Variants in MGAM observed in about 807,000 individuals in gnomAD.
The protein encoded by MGAM is alpha-1,4-glucosidase.
Under a neutral mutation model 358.8 loss-of-function variants are expected in MGAM, and 253 were observed. That is an observed-to-expected ratio of 0.71 (90% confidence interval 0.64 to 0.78). The LOEUF (loss-of-function observed/expected upper bound fraction) is 0.78, where lower values mean the gene tolerates loss of function less well. Among genes scored for constraint, MGAM ranks in the 30% least tolerant of loss-of-function variants. MGAM has a pLI of 0.00. For synonymous variants in MGAM, 1,105 were observed against 1,227.1 expected (o/e 0.90, Z 2.08); for missense variants, 3,080 against 3,432.6 (o/e 0.90, Z 2.57).
At chr7:142,076,908 T>A in intron 47 of MGAM, 82 bp downstream of exon 47, 1 of 1,417,648 alleles carries the variant, frequency 7.1e-7, no homozygotes, top group East Asian at 2.3e-5. Flanking sequence ...TTTGCATGGG[T>A]CCCTGAAGTA....
At chr7:142,002,857 A>G (rs1234378303) in intron 1 of MGAM, among the ~76,000 whole-genome samples, 1 of 152,114 alleles carries the variant, frequency 6.6e-6, no homozygotes, top group African/African-American at 2.4e-5. Context: ...AGACTCCTAG[A>G]TTTAATAAAT....
intron 5 of MGAM, 66 bp from the exon 6 acceptor site, chr7:142,021,520 T>C: frequency 2.0e-6 from 3 of 1,486,606 alleles, no homozygotes; most frequent in South Asian, 2.4e-5. Flanking sequence ...GTATCCTAAG[T>C]AGGGATATTG....
rs531204718 is a variant in MGAM, at chr7:142,106,103, A to C, written c.*212A>C. The C allele has an allele frequency of 2.1e-6, 1 of 468,012 alleles. No homozygotes were observed. The highest frequency in any genetic ancestry group is 2.0e-5 in the African/African-American group (1 of 50,704). 29.0% of individuals were successfully genotyped at this position (468,012 alleles called of 1,614,324 possible). On this transcript the variant is annotated 3_prime_UTR_variant, in exon 71 of 71. Coordinates refer to ENST00000475668, the MANE Select transcript of MGAM (RefSeq NM_001365693.1). ...TTAGGGAGGTGTGGAAAATCTATGC[A>C]TTACCTTAATGTCTCTGTGTGGTTA... is the stretch of plus-strand genomic sequence containing the variant.
intron 12 of MGAM, 61 bp downstream of exon 12, chr7:142,030,818 C>CTGTG (rs66639847): frequency 2.0e-5 from 16 of 784,652 alleles, no homozygotes; most frequent in South Asian, 6.2e-5. Flanking sequence ...TTGAATGTGT[C>CTGTG]TGTGTGTGTG....
At chr7:142,103,530 C>T in intron 70 of MGAM, 91 bp downstream of exon 70, 2 of 1,258,494 alleles carry the variant, frequency 1.6e-6, no homozygotes, top group South Asian at 3.8e-5. Context: ...ATGATGCCCT[C>T]TCCTGCCAGG....
At chr7:142,037,248 G>C (rs1397808953) in intron 18 of MGAM, among the ~76,000 whole-genome samples, 1 of 152,054 alleles carries the variant, frequency 6.6e-6, no homozygotes, top group African/African-American at 2.4e-5. Context: ...TCTTTGTTCT[G>C]CCATTCACTA....
At position 142,031,721 on chromosome 7, in the gene MGAM, C is replaced by T; in HGVS notation, c.1512C>T (p.Pro504=). 1 of 1,613,390 alleles carries T rather than the reference C, an allele frequency of 6.2e-7. No homozygotes were observed. The highest frequency in any genetic ancestry group is 2.2e-5 in the East Asian group (1 of 44,826). The change falls in exon 13 of 71, where the codon CCC becomes CCT. Residue 504 remains proline (P), a synonymous_variant. Transcript: ENST00000475668. ...GQTVFPDYTN[P]NCAVWWTKEF... The stretch of plus-strand genomic sequence containing the variant: ...CTGTGTTTCCTGATTATACCAATCC[C>T]AACTGTGCTGTTTGGTGGACAAAGG...
At chr7:142,002,182 A>T (rs1554450870) in intron 1 of MGAM, among the ~76,000 whole-genome samples, 1 of 152,194 alleles carries the variant, frequency 6.6e-6, no homozygotes. Context: ...GAGTAGTGTG[A>T]GATTTCTGTG....
Position 142,040,236 on chromosome 7 carries a change from C to T in MGAM, c.2373+65C>T, listed in dbSNP as rs952201741. 8 of 1,275,846 alleles carry T rather than the reference C, an allele frequency of 6.3e-6. No individual in the cohort carries two copies. The East Asian group carries it at 1.9e-4, about 30-fold the overall frequency. 79.0% of individuals were successfully genotyped at this position (1,275,846 alleles called of 1,614,324 possible). A position where few individuals can be genotyped will look rare whatever the true frequency, so the allele number is the denominator to read the frequency against. ...AGCTGCAGCTGCATAGACAAGCTAC[C>T]TTTCTGGAGAGAGAAACATCCATCT... On this transcript the variant is annotated intron_variant, in intron 20 of 70. Coordinates refer to ENST00000475668, the MANE Select transcript of MGAM (RefSeq NM_001365693.1).
intron 46 of MGAM, 170 bp from the exon 47 acceptor site, chr7:142,076,489 G>A (rs1813749399): frequency 1.2e-6 from 1 of 867,234 alleles, no homozygotes; most frequent in Admixed American, 2.0e-5. Context: ...TATCAAATTA[G>A]AGGATTATCA....
Position 142,085,892 on chromosome 7 carries a change from C to G in MGAM, c.6567C>G (p.Pro2189=), listed in dbSNP as rs781427234. Residue 2189 remains proline (P), a synonymous_variant, in exon 55 of 71, where the codon CCC becomes CCG. Coordinates refer to ENST00000475668, the MANE Select transcript of MGAM (RefSeq NM_001365693.1). ...MERQLDFTLS[P]KFAGFPALIN... ...GGCAGCTGGACTTCACCCTCAGCCC[C>G]AAGTTTGCCGGGTTTCCAGCTCTGA... is the stretch of plus-strand genomic sequence containing the variant. 2 of 1,566,154 alleles carry G rather than the reference C, an allele frequency of 1.3e-6. No individual in the cohort carries two copies. Among genetic ancestry groups the G allele is most frequent in the East Asian group, 4.6e-5 (2 of 43,930 alleles).
chr7:142,020,952 C>A (rs781991919), intron 4 of MGAM, 22 bp from the exon 5 acceptor site: 13 of 1,547,442 alleles, frequency 8.4e-6, no homozygotes, highest in Non-Finnish European at 1.1e-5. Context: ...ACTATGAAAA[C>A]CTTTTTTTTC....
chr7:142,037,090 C>T (rs1808060660), intron 18 of MGAM, 113 bp downstream of exon 18: 10 of 1,075,718 alleles, frequency 9.3e-6, no homozygotes, highest in African/African-American at 8.0e-5. Flanking sequence ...TCATATCTAT[C>T]TGTATCTATA....
intron 36 of MGAM, among the ~76,000 whole-genome samples, chr7:142,063,810 T>C (rs1430330523): frequency 6.6e-6 from 1 of 152,234 alleles, no homozygotes; most frequent in Non-Finnish European, 1.5e-5. Flanking sequence ...AGAAAGCACT[T>C]AGCAGAGCTC....
chr7:142,064,514 C>T lies in MGAM; in HGVS notation c.4476C>T (p.Pro1492=). The T allele has an allele frequency of 6.4e-7, 1 of 1,573,924 alleles. No individual in the cohort carries two copies. Among genetic ancestry groups the T allele is most frequent in the Non-Finnish European group, 8.6e-7 (1 of 1,159,762 alleles). The change falls in exon 37 of 71, where the codon CCC becomes CCT. Residue 1492 remains proline, a synonymous_variant. Transcript: ENST00000475668. ...HNLYGWSQTR[P]TYEAVQEVTG... Reference sequence around the variant, plus strand: ...TGTATGGGTGGTCCCAGACCAGACCCACATACGAGTGAGTCTCCGTCTCCC... The same window carrying T: ...TGTATGGGTGGTCCCAGACCAGACCTACATACGAGTGAGTCTCCGTCTCCC...
chr7:142,046,276 T>C (rs555570809), intron 21 of MGAM, among the ~76,000 whole-genome samples: 1 of 151,594 alleles, frequency 6.6e-6, no homozygotes, highest in South Asian at 2.1e-4. Flanking sequence ...TTATCTGAAA[T>C]GTTTAGGGGA....
chr7:142,026,006 T>C (rs1554460833), intron 8 of MGAM, among the ~76,000 whole-genome samples: 3 of 151,928 alleles, frequency 2.0e-5, no homozygotes, highest in Non-Finnish European at 4.4e-5. Context: ...AACCAGAAAA[T>C]AAGATGAGTC....
In MGAM at chr7:142,030,355, C is replaced by T; in HGVS notation, c.1222-7C>T. 1 of 1,611,758 alleles carries T rather than the reference C, an allele frequency of 6.2e-7. No individual in the cohort carries two copies. The highest frequency in any genetic ancestry group is 8.5e-7 in the Non-Finnish European group (1 of 1,178,952). On this transcript the variant is annotated splice_polypyrimidine_tract_variant and splice_region_variant and intron_variant, in intron 10 of 70. Transcript: ENST00000475668. ...GTGCTAATTGTGGACTTTGTATATTCTTTCAGGATGTTCAGCATGCTGATA... is the reference window on the plus strand; with the variant it reads ...GTGCTAATTGTGGACTTTGTATATTTTTTCAGGATGTTCAGCATGCTGATA...
rs1011622024 is a variant in MGAM at position 142,061,499 on chromosome 7, A to G, written c.4123-1069A>G. On this transcript the variant is annotated intron_variant, in intron 34 of 70. Transcript: ENST00000475668. ...TTGACTGCCAGACCCATATAGGCTGATCTGTTTCTGTTTTCTTATGTTCCC... is the reference window on the plus strand; with the variant it reads ...TTGACTGCCAGACCCATATAGGCTGGTCTGTTTCTGTTTTCTTATGTTCCC... 5.3e-5 allele frequency among the ~76,000 whole-genome samples: 8 copies of G among 152,086 alleles called. No individual in the cohort carries two copies. The East Asian group carries it at 9.7e-4, about 18-fold the overall frequency.
Sources: gnomAD v4.1 joint callset for allele counts (sites outside exome capture counted in the v4.1 genomes callset) on GRCh38, gnomAD v4.1.1 for gene constraint, MANE v1.5 for transcripts, NCBI Gene and HGNC (gene_info 2026-07-23, HGNC 2026-07-21) for gene names.